PRR5L: variants seen among roughly 807,000 people sequenced by gnomAD.
The protein encoded by PRR5L is proline rich 5 like.
Under a neutral mutation model 36.4 loss-of-function variants are expected in PRR5L, and 21 were observed. That is an observed-to-expected ratio of 0.58 (90% CI 0.41 to 0.83). The LOEUF is 0.83. Among genes scored for constraint, PRR5L ranks in the 40% least tolerant of loss-of-function variants. PRR5L has a pLI of 0.00. For synonymous variants in PRR5L, 188 were observed against 197.0 expected (o/e 0.95, Z 0.38); for missense variants, 381 against 473.3 (o/e 0.80, Z 1.81).
At chr11:36,348,745 T>G (rs1463540356) in intron 1 of PRR5L, among the ~76,000 whole-genome samples, 2 of 152,176 alleles carry the variant, frequency 1.3e-5, no homozygotes, top group Non-Finnish European at 2.9e-5. Flanking sequence ...TCAGAAATGG[T>G]GCCAGATGTC....
At chr11:36,381,655 C>A (rs1410786893) in intron 1 of PRR5L, 1 of 152,138 alleles carries the variant, frequency 6.6e-6, no homozygotes, top group East Asian at 1.9e-4. Context: ...TTTGAGGAGA[C>A]CACATCGACT....
chr11:36,297,296 A>T (rs934015367), intron 1 of PRR5L: 1 of 152,190 alleles, frequency 6.6e-6, no homozygotes, highest in Non-Finnish European at 1.5e-5. Context: ...GCTTCATAGA[A>T]CATCTGCACC....
intron 1 of PRR5L, among the ~76,000 whole-genome samples, chr11:36,325,044 G>A (rs1279288042): frequency 6.6e-6 from 1 of 152,198 alleles, no homozygotes; most frequent in East Asian, 1.9e-4. Flanking sequence ...ATGGCGGCAG[G>A]TCGCTTCCAA....
intron 5 of PRR5L, 131 bp downstream of exon 5, chr11:36,432,041 C>A: frequency 1.5e-6 from 1 of 676,376 alleles, no homozygotes; most frequent in Admixed American, 2.4e-5. Context: ...TTCCTCCCTA[C>A]CTAGGCAGCA....
rs1360273848 is a variant in PRR5L, at chr11:36,350,990, ATATATT to A, written c.-125-50001_-125-49996del. Among the ~76,000 whole-genome samples, 132 of 85,944 alleles carry A rather than the reference ATATATT, an allele frequency of 1.5e-3. 31 individuals are homozygous for A. The highest frequency in any genetic ancestry group is 7.8e-3 in the African/African-American group (130 of 16,666). 56.4% of individuals were successfully genotyped at this position (85,944 alleles called of 152,430 possible). On this transcript the variant is annotated intron_variant, in intron 1 of 8. Transcript: ENST00000530639. ...TATATTTATATATATTTATATATTTATATATTTATATATATTTATATAGTTATATAT... is the reference window on the plus strand; with the variant it reads ...TATATTTATATATATTTATATATTTATATATATATTTATATAGTTATATAT...
intron 1 of PRR5L, among the ~76,000 whole-genome samples, chr11:36,391,367 G>T (rs902270089): frequency 3.3e-5 from 5 of 152,200 alleles, no homozygotes; most frequent in Admixed American, 3.3e-4. Context: ...TGGCGTGGCA[G>T]CTGTGAGGAG....
intron 1 of PRR5L, among the ~76,000 whole-genome samples, chr11:36,314,247 T>G (rs1021831587): frequency 3.9e-5 from 6 of 152,136 alleles, no homozygotes; most frequent in African/African-American, 1.4e-4. Context: ...TGTAAATTAT[T>G]TACGTAACTT....
intron 1 of PRR5L, among the ~76,000 whole-genome samples, chr11:36,352,486 G>A (rs2133494212): frequency 6.6e-6 from 1 of 152,176 alleles, no homozygotes; most frequent in East Asian, 1.9e-4. Context: ...GAGAGTTTTA[G>A]ATCTAGATAG....
chr11:36,444,607 C>G (rs1171803409), intron 6 of PRR5L, among the ~76,000 whole-genome samples: 4 of 152,182 alleles, frequency 2.6e-5, no homozygotes, highest in Non-Finnish European at 5.9e-5. Flanking sequence ...CCTAAATAAT[C>G]AGTTCTGGAA....
chr11:36,412,800 C>T (rs1323204584), intron 3 of PRR5L, among the ~76,000 whole-genome samples: 1 of 152,074 alleles, frequency 6.6e-6, no homozygotes. Context: ...TGGCCCAGAT[C>T]ACTCTCTCAT....
chr11:36,352,223 ATCT>A (rs1394606921), intron 1 of PRR5L, among the ~76,000 whole-genome samples: 3 of 152,074 alleles, frequency 2.0e-5, no homozygotes, highest in Non-Finnish European at 4.4e-5. Context: ...CCATTTGTAT[ATCT>A]TCTTTTGAGA....
At chr11:36,353,528 TG>T (rs1856996528) in intron 1 of PRR5L, among the ~76,000 whole-genome samples, 2 of 152,204 alleles carry the variant, frequency 1.3e-5, no homozygotes, top group Non-Finnish European at 2.9e-5. Flanking sequence ...ATGAACGGGT[TG>T]GATTCTAGAG....
chr11:36,310,504 C>G (rs115685159), intron 1 of PRR5L, among the ~76,000 whole-genome samples: 6,064 of 152,152 alleles, frequency 0.04, 137 homozygotes, highest in Non-Finnish European at 0.044. Context: ...TACTGTTACA[C>G]AAGTAAGGAA....
chr11:36,414,931 G>C (rs1056598323), intron 3 of PRR5L, among the ~76,000 whole-genome samples: 3 of 139,562 alleles, frequency 2.1e-5, no homozygotes, highest in African/African-American at 8.3e-5. Flanking sequence ...TCTACATATG[G>C]CTAGCCAGTT....
intron 3 of PRR5L, 38 bp downstream of exon 3, chr11:36,403,416 T>C: frequency 6.4e-7 from 1 of 1,560,764 alleles, no homozygotes; most frequent in Non-Finnish European, 8.8e-7. Flanking sequence ...TTTTCCCCTA[T>C]AAACCTGAGC....
At chr11:36,368,239 G>A (rs148165745) in intron 1 of PRR5L, among the ~76,000 whole-genome samples, 311 of 152,218 alleles carry the variant, frequency 2.0e-3, no homozygotes, top group African/African-American at 6.8e-3. Flanking sequence ...AAATTTCAAG[G>A]CAAGAGGGAG....
chr11:36,299,939 G>C (rs1291456911), intron 1 of PRR5L, among the ~76,000 whole-genome samples: 1 of 152,158 alleles, frequency 6.6e-6, no homozygotes, highest in East Asian at 1.9e-4. Flanking sequence ...TGATGCAGGG[G>C]CTGGCAACAG....
intron 1 of PRR5L, among the ~76,000 whole-genome samples, chr11:36,350,976 ATATTTATATATT>A (rs1565406539): frequency 1.5e-3 from 103 of 69,372 alleles, no homozygotes; most frequent in South Asian, 3.8e-3. Context: ...ATATTTATAT[ATATTTATATATT>A]TATATATTTA....
chr11:36,401,283 CA>C lies in PRR5L; in HGVS notation c.163del (p.Ser55AlafsTer6), dbSNP rs1383856840. 1.2e-6 allele frequency: 2 copies of C among 1,610,576 alleles called. No homozygotes were observed. ...AGCTGAGCTCCAGCTCAGCCTGGAA[CA>C]GGTGAAGGAGGCTGCAGGATGTGGG... is the stretch of plus-strand genomic sequence containing the variant. Reference protein sequence around the residue: ...LQLSSSSAWNSVQTAVINVFK... With the variant: ...LQLSSSSAWNXVQTAVINVFK... On this transcript the variant is annotated frameshift_variant and splice_region_variant, in exon 2 of 9. Transcript: ENST00000530639. LOFTEE classifies it high-confidence loss of function.
Sources: gnomAD v4.1 joint callset for allele counts (sites outside exome capture counted in the v4.1 genomes callset) on GRCh38, gnomAD v4.1.1 for gene constraint, MANE v1.5 for transcripts, NCBI Gene and HGNC (gene_info 2026-07-23, HGNC 2026-07-21) for gene names.